Variants in AGBL4 observed in about 807,000 individuals in gnomAD.
The protein encoded by AGBL4 is AGBL carboxypeptidase 4, also known as cytosolic carboxypeptidase 6.
A neutral mutation model predicts 66.4 loss-of-function variants in AGBL4; 58 were observed. The observed-to-expected ratio is 0.87, with a 90% confidence interval of 0.71 to 1.09. The LOEUF is 1.09. Ranked by LOEUF, AGBL4 falls within the 50% of genes least tolerant of loss-of-function variation. The probability of loss-of-function intolerance (pLI) is 0.00; values close to 1 mark genes in which losing one functional copy is unlikely to be tolerated. For missense variants in AGBL4, 579 were observed against 631.0 expected (o/e 0.92, Z 0.88); for synonymous variants, 234 against 222.9 (o/e 1.05, Z -0.44).
chr1:49,293,595 A>G (rs1644585958), intron 3 of AGBL4, among the ~76,000 whole-genome samples: 1 of 152,204 alleles, frequency 6.6e-6, no homozygotes, highest in Non-Finnish European at 1.5e-5. Flanking sequence ...GAGATTCTGA[A>G]TATGCAGTTG....
chr1:49,652,891 A>G (rs1646037585), intron 3 of AGBL4, among the ~76,000 whole-genome samples: 1 of 152,032 alleles, frequency 6.6e-6, no homozygotes, highest in African/African-American at 2.4e-5. Flanking sequence ...GTCTTTTCTA[A>G]CTGCTGGCTC....
chr1:49,333,443 AC>A (rs1274092865), intron 3 of AGBL4, among the ~76,000 whole-genome samples: 1 of 152,166 alleles, frequency 6.6e-6, no homozygotes, highest in African/African-American at 2.4e-5. Context: ...GTGCCACTGC[AC>A]TCCAGCCTGG....
intron 4 of AGBL4, among the ~76,000 whole-genome samples, chr1:49,179,273 G>C (rs1314733217): frequency 6.6e-6 from 1 of 152,006 alleles, no homozygotes; most frequent in Admixed American, 6.6e-5. Context: ...AATACCAGTG[G>C]AGATAGTGAG....
chr1:49,307,479 A>G (rs946530637), intron 3 of AGBL4, among the ~76,000 whole-genome samples: 8 of 152,126 alleles, frequency 5.3e-5, no homozygotes, highest in Non-Finnish European at 1.2e-4. Flanking sequence ...CTTGATTCCA[A>G]TCTAATAGGT....
intron 5 of AGBL4, among the ~76,000 whole-genome samples, chr1:48,937,802 C>T (rs1655607368): frequency 6.6e-6 from 1 of 152,158 alleles, no homozygotes; most frequent in African/African-American, 2.4e-5. Context: ...GTCTCTGGGG[C>T]TAGAACCCAG....
intron 2 of AGBL4, among the ~76,000 whole-genome samples, chr1:49,714,495 T>C (rs1406282975): frequency 6.6e-6 from 1 of 151,536 alleles, no homozygotes; most frequent in Non-Finnish European, 1.5e-5. Context: ...TCACTTAAGA[T>C]AATGGTCTCC....
rs200250427 is a variant in AGBL4 at position 48,818,225 on chromosome 1, G to A, written c.634+48966C>T. The A allele has an allele frequency of 4.9e-4, 351 of 717,446 alleles. 1 individual carries two copies. Among genetic ancestry groups the A allele is most frequent in the Non-Finnish European group, 7.1e-4 (272 of 385,058 alleles). 44.4% of individuals were successfully genotyped at this position (717,446 alleles called of 1,614,324 possible). A position where few individuals can be genotyped will look rare whatever the true frequency, so the allele number is the denominator to read the frequency against. ...ATTTCACCAGCTCCATCTTCCAGCTGCGTAAATTAGTTAATTACAAAGGCT... is the reference window on the plus strand; with the variant it reads ...ATTTCACCAGCTCCATCTTCCAGCTACGTAAATTAGTTAATTACAAAGGCT... On this transcript the variant is annotated intron_variant, in intron 6 of 13. Transcript: ENST00000371839.
At chr1:49,631,636 C>A (rs181573145) in intron 3 of AGBL4, among the ~76,000 whole-genome samples, 2 of 152,212 alleles carry the variant, frequency 1.3e-5, no homozygotes, top group Non-Finnish European at 2.9e-5. Context: ...GTGACTGAAC[C>A]ATTTCCAGAA....
downstream of AGBL4, among the ~76,000 whole-genome samples, chr1:48,529,871 T>C (rs1643896754): frequency 6.6e-6 from 1 of 152,086 alleles, no homozygotes; most frequent in Non-Finnish European, 1.5e-5. Context: ...AACGCTGCTC[T>C]CTGGAGGACT....
intron 3 of AGBL4, among the ~76,000 whole-genome samples, chr1:49,312,300 A>T (rs1305606011): frequency 6.6e-6 from 1 of 152,048 alleles, no homozygotes; most frequent in Non-Finnish European, 1.5e-5. Context: ...CCTCTGGAGG[A>T]TGCAGCAACA....
intron 3 of AGBL4, among the ~76,000 whole-genome samples, chr1:49,359,907 A>T (rs555535765): frequency 4.6e-4 from 70 of 152,228 alleles, no homozygotes; most frequent in African/African-American, 1.2e-3. Flanking sequence ...TCACAATTAA[A>T]ATCAGGACAG....
intron 4 of AGBL4, among the ~76,000 whole-genome samples, chr1:49,053,178 T>C (rs1026286558): frequency 6.6e-6 from 1 of 152,076 alleles, no homozygotes; most frequent in Admixed American, 6.6e-5. Flanking sequence ...GTGCTTAGGG[T>C]TTGAAATGGA....
At chr1:49,843,937 G>A (rs1456599419) in intron 2 of AGBL4, among the ~76,000 whole-genome samples, 2 of 152,172 alleles carry the variant, frequency 1.3e-5, no homozygotes, top group Non-Finnish European at 2.9e-5. Context: ...GGAAGCAGGA[G>A]GAAGGAGTGC....
chr1:49,043,445 A>T (rs1643997189), intron 5 of AGBL4, among the ~76,000 whole-genome samples: 1 of 152,190 alleles, frequency 6.6e-6, no homozygotes, highest in Non-Finnish European at 1.5e-5. Flanking sequence ...GAGATGACCC[A>T]CTAAATGACT....
chr1:49,403,016 G>A (rs542839773), intron 3 of AGBL4, among the ~76,000 whole-genome samples: 1 of 152,316 alleles, frequency 6.6e-6, no homozygotes, highest in African/African-American at 2.4e-5. Flanking sequence ...TTGGTCTATA[G>A]AGGATATTAA....
chr1:49,790,188 C>T (rs938015108), intron 2 of AGBL4, among the ~76,000 whole-genome samples: 2 of 151,796 alleles, frequency 1.3e-5, no homozygotes, highest in African/African-American at 4.8e-5. Flanking sequence ...ACCAGCCTGC[C>T]CTCACCCCCT....
intron 2 of AGBL4, among the ~76,000 whole-genome samples, chr1:49,740,194 G>A (rs950980681): frequency 6.6e-6 from 1 of 152,098 alleles, no homozygotes; most frequent in Non-Finnish European, 1.5e-5. Context: ...AAAATAAAGG[G>A]ATGGAGGAAG....
chr1:49,047,464 AAC>A (rs1414016931), intron 4 of AGBL4, among the ~76,000 whole-genome samples: 1 of 152,144 alleles, frequency 6.6e-6, no homozygotes, highest in African/African-American at 2.4e-5. Flanking sequence ...ATACATAAAT[AAC>A]AGTCTTCTTA....
At chr1:49,666,608 A>T (rs1646375272) in intron 3 of AGBL4, among the ~76,000 whole-genome samples, 1 of 151,836 alleles carries the variant, frequency 6.6e-6, no homozygotes, top group Admixed American at 6.6e-5. Context: ...AATTAAAATT[A>T]AAAAATGGCT....
Sources: allele counts gnomAD v4.1 joint callset (sites outside exome capture counted in the v4.1 genomes callset), GRCh38; gene constraint gnomAD v4.1.1; transcripts MANE v1.5; gene names NCBI Gene and HGNC (gene_info 2026-07-23, HGNC 2026-07-21).